PKDCC: variants seen among roughly 807,000 people sequenced by gnomAD.
PKDCC encodes extracellular tyrosine-protein kinase PKDCC.
A neutral mutation model predicts 44.7 loss-of-function variants in PKDCC; 35 were observed. The observed-to-expected ratio is 0.78, with a 90% CI of 0.60 to 1.04. PKDCC has a LOEUF of 1.04. Among genes scored for constraint, PKDCC ranks in the 50% least tolerant of loss-of-function variants. The pLI is 0.00. For missense variants in PKDCC, 738 were observed against 672.7 expected (o/e 1.10, Z -1.07); for synonymous variants, 353 against 303.3 (o/e 1.16, Z -1.70).
At position 42,048,857 on chromosome 2, in the gene PKDCC, G is replaced by C. The variant is rs1229216267; in HGVS notation, c.639+19G>C. 10 of 1,454,160 alleles carry C rather than the reference G, an allele frequency of 6.9e-6. No individual in the cohort carries two copies. Among genetic ancestry groups the C allele is most frequent in the East Asian group, 2.4e-5 (1 of 41,410 alleles). The allele number at this position is 1,454,160 out of a possible 1,614,324, so 90.1% of individuals were successfully genotyped here. A position where few individuals can be genotyped will look rare whatever the true frequency, so the allele number is the denominator to read the frequency against. ...GCTGCAGGTACGAGGGTGGGGACGC[G>C]GGGGTAACGGTGTTGGCTGGGAGTG... On this transcript the variant is annotated intron_variant, in intron 1 of 6. Transcript: ENST00000294964. This position sits in a 1 kb window ranked among gnomAD's most constrained non-coding sequence, Gnocchi z 6.2.
Position 42,054,464 on chromosome 2 carries a change from G to C in PKDCC, c.1034+157G>C. On this transcript the variant is annotated intron_variant, in intron 3 of 6. Coordinates refer to ENST00000294964, the MANE Select transcript of PKDCC (RefSeq NM_138370.3). The surrounding 1 kb of genome is among the most constrained non-coding windows in gnomAD (Gnocchi z 6.1). The stretch of plus-strand genomic sequence containing the variant: ...ACCCTGTCCAGAAGGGAACATTCAG[G>C]CCTCTGATGGAGAGGCTAAAAATAG... 1 of 882,468 alleles carries C rather than the reference G, an allele frequency of 1.1e-6. No individual in the cohort carries two copies. The highest frequency in any genetic ancestry group is 3.5e-4 in the Middle Eastern group (1 of 2,822). 54.7% of individuals were successfully genotyped at this position (882,468 alleles called of 1,614,324 possible).
intron 1 of PKDCC, among the ~76,000 whole-genome samples, chr2:42,049,597 G>C (rs1667934174): frequency 6.6e-6 from 1 of 152,268 alleles, no homozygotes; most frequent in African/African-American, 2.4e-5. Flanking sequence ...TAGCCAAGAG[G>C]CTGGAAGGTT....
In PKDCC at chr2:42,048,537, C is replaced by A; in HGVS notation, c.338C>A (p.Pro113Gln). 1 of 1,245,138 alleles carries A rather than the reference C, an allele frequency of 8.0e-7. No homozygotes were observed. The highest frequency in any genetic ancestry group is 1.6e-5 in the African/African-American group (1 of 63,372). The allele number at this position is 1,245,138 out of a possible 1,614,324, so 77.1% of individuals were successfully genotyped here. A position where few individuals can be genotyped will look rare whatever the true frequency, so the allele number is the denominator to read the frequency against. Residue 113 changes from proline (P) to glutamine (Q), a missense_variant, in exon 1 of 7, where the codon CCA (proline) becomes CAA (glutamine). Coordinates refer to ENST00000294964, the MANE Select transcript of PKDCC (RefSeq NM_138370.3). The surrounding 1 kb of genome is among the most constrained non-coding windows in gnomAD (Gnocchi z 6.2). Reference sequence around the variant, plus strand: ...GCCCGGCCCCTGTCCGACGGCGCCCCAGGCTGGCCCCCGGCTCCCGGCCCA... The same window carrying A: ...GCCCGGCCCCTGTCCGACGGCGCCCAAGGCTGGCCCCCGGCTCCCGGCCCA... ...PWARPLSDGA[P>Q]GWPPAPGPGS...
At chr2:42,050,511 A>G (rs1361765001) in intron 1 of PKDCC, among the ~76,000 whole-genome samples, 3 of 152,106 alleles carry the variant, frequency 2.0e-5, no homozygotes, top group Non-Finnish European at 4.4e-5. Flanking sequence ...AAACTTCCTG[A>G]CAAGCATTCA....
rs267599376 is a variant in PKDCC, at chr2:42,053,349, G to A, written c.750G>A (p.Glu250=). 6.2e-7 allele frequency: 1 copy of A among 1,612,706 alleles called. No individual in the cohort carries two copies. The highest frequency in any genetic ancestry group is 8.5e-7 in the Non-Finnish European group (1 of 1,179,268). Residue 250 remains glutamate (E), a synonymous_variant, in exon 2 of 7, where the codon GAG becomes GAA. Transcript: ENST00000294964. ...TCCAGCTGCTGCAAACTTCCTGGGAGGATCGATTCCGAGTGAGCTCAGAGG... is the reference window on the plus strand; with the variant it reads ...TCCAGCTGCTGCAAACTTCCTGGGAAGATCGATTCCGAGTGAGCTCAGAGG... The part of the protein sequence containing the change: ...EMIQLLQTSW[E]DRFRICLSLG...
At chr2:42,053,448 C>G (rs916017580) in intron 2 of PKDCC, 87 bp downstream of exon 2, 7 of 1,485,996 alleles carry the variant, frequency 4.7e-6, no homozygotes, top group Non-Finnish European at 6.3e-6. Flanking sequence ...AGCTCCCACT[C>G]CTCCTCCACC....
At chr2:42,056,353 G>A (rs1668057268) in intron 5 of PKDCC, among the ~76,000 whole-genome samples, 1 of 152,164 alleles carries the variant, frequency 6.6e-6, no homozygotes, top group Non-Finnish European at 1.5e-5. Flanking sequence ...TGTAGAATGA[G>A]ATCTCAGATT....
chr2:42,054,295 A>C lies in PKDCC; in HGVS notation c.1022A>C (p.Tyr341Ser). 26 of 1,603,120 alleles carry C rather than the reference A, an allele frequency of 1.6e-5. No individual in the cohort carries two copies. Among genetic ancestry groups the C allele is most frequent in the Non-Finnish European group, 2.2e-5 (26 of 1,174,348 alleles). ...CEGMNEKRNL[Y>S]NAYRFFFTYL... is the part of the protein sequence containing the mutation. ...GGCATGAACGAGAAGCGGAACCTCT[A>C]TAATGCCTACAGGTGACCTCCACCC... The change falls in exon 3 of 7, where the codon TAT (tyrosine) becomes TCT (serine). Residue 341 changes from tyrosine (Y) to serine (S), a missense_variant. Transcript: ENST00000294964. This position sits in a 1 kb window ranked among gnomAD's most constrained non-coding sequence, Gnocchi z 6.1.
At chr2:42,057,576 C>T (rs746425383) in intron 6 of PKDCC, 27 bp from the exon 7 acceptor site, 2 of 1,609,330 alleles carry the variant, frequency 1.2e-6, no homozygotes, top group South Asian at 1.1e-5. Context: ...ACATCCAGCC[C>T]TGTTACCTCT....
Position 42,048,194 on chromosome 2 carries a change from G to C in PKDCC, c.-6G>C. 8.7e-7 allele frequency: 1 copy of C among 1,148,036 alleles called. No homozygotes were observed. Among genetic ancestry groups the C allele is most frequent in the South Asian group, 2.8e-5 (1 of 36,348 alleles). The allele number at this position is 1,148,036 out of a possible 1,614,324, so 71.1% of individuals were successfully genotyped here. ...GCGGGGCCGGCCGGCCGGGGGGAGG[G>C]GAGCGATGCGGCGCCGGCGGGCGGC... On this transcript the variant is annotated 5_prime_UTR_variant, in exon 1 of 7. Transcript: ENST00000294964. This position sits in a 1 kb window ranked among gnomAD's most constrained non-coding sequence, Gnocchi z 6.2.
rs1667968347 is a variant in PKDCC at position 42,051,539 on chromosome 2, C to CGTTAACA, written c.640-1698_640-1692dup. Among the ~76,000 whole-genome samples, 1 of 152,118 alleles carries CGTTAACA rather than the reference C, an allele frequency of 6.6e-6. No homozygotes were observed. The highest frequency in any genetic ancestry group is 2.4e-5 in the African/African-American group (1 of 41,396). On this transcript the variant is annotated intron_variant, in intron 1 of 6. Transcript: ENST00000294964. The surrounding 1 kb of genome is among the most constrained non-coding windows in gnomAD (Gnocchi z 4.2). ...TCCTGAGGGGTGTTGATTAATACCT[C>CGTTAACA]GTTAACAGCGCATTTAACGACCTCC...
chr2:42,049,028 T>C (rs1016220957), intron 1 of PKDCC, among the ~76,000 whole-genome samples, 190 bp downstream of exon 1: 8 of 152,104 alleles, frequency 5.3e-5, no homozygotes, highest in African/African-American at 1.9e-4. Flanking sequence ...GGCGTCCCTT[T>C]ACCGGAGAAC....
At chr2:42,049,676 G>A (rs773333991) in intron 1 of PKDCC, among the ~76,000 whole-genome samples, 12 of 152,148 alleles carry the variant, frequency 7.9e-5, no homozygotes, top group Non-Finnish European at 1.3e-4. Context: ...AGACACAGGC[G>A]AGAGCTGAAA....
At chr2:42,056,475 GAACTTGCCT>G (rs1668058865) in intron 5 of PKDCC, among the ~76,000 whole-genome samples, 1 of 152,134 alleles carries the variant, frequency 6.6e-6, no homozygotes, top group African/African-American at 2.4e-5. Flanking sequence ...CCCTTCTGAG[GAACTTGCCT>G]AACTTCTCTC....
Position 42,053,239 on chromosome 2 carries a change from C to T in PKDCC, c.640C>T (p.Leu214Phe). ...ATGACCTGCCCTCGGCTTTCCCCAGCTCTATGGCTACTGCTACCAGGACAG... is the reference window on the plus strand; with the variant it reads ...ATGACCTGCCCTCGGCTTTCCCCAGTTCTATGGCTACTGCTACCAGGACAG... The part of the protein sequence containing the change: ...ERLRHPNVLQ[L>F]YGYCYQDSED... Residue 214 changes from leucine (L) to phenylalanine (F), a missense_variant and splice_region_variant, in exon 2 of 7, where the codon CTC (leucine) becomes TTC (phenylalanine). By Grantham distance (22) the Leu-to-Phe change is conservative. Transcript: ENST00000294964. The T allele has an allele frequency of 6.2e-7, 1 of 1,608,714 alleles. No individual in the cohort carries two copies. Among genetic ancestry groups the T allele is most frequent in the African/African-American group, 1.3e-5 (1 of 74,736 alleles).
rs1668080984 is a variant in PKDCC at position 42,057,654 on chromosome 2, C to G, written c.1448C>G (p.Pro483Arg). ...GGATGGAGCCAAGTGGTCCCTGATC[C>G]CAACAAGACCACATATGTGAAGGCC... ...KTGWSQVVPD[P>R]NKTTYVKASG The change falls in exon 7 of 7, where the codon CCC (proline) becomes CGC (arginine). Residue 483 changes from proline (P) to arginine (R), a missense_variant. Coordinates refer to ENST00000294964, the MANE Select transcript of PKDCC (RefSeq NM_138370.3). 6.2e-7 allele frequency: 1 copy of G among 1,613,868 alleles called. No individual in the cohort carries two copies. Among genetic ancestry groups the G allele is most frequent in the Non-Finnish European group, 8.5e-7 (1 of 1,180,000 alleles).
rs755580371 is a variant in PKDCC, at chr2:42,055,294, G to A, written c.1123G>A (p.Ala375Thr). The A allele has an allele frequency of 2.2e-5, 35 of 1,612,798 alleles. No individual in the cohort carries two copies. The highest frequency in any genetic ancestry group is 3.3e-4 in the Middle Eastern group (2 of 6,078). The change falls in exon 5 of 7, where the codon GCC (alanine) becomes ACC (threonine). Residue 375 changes from alanine (A) to threonine (T), a missense_variant. Coordinates refer to ENST00000294964, the MANE Select transcript of PKDCC (RefSeq NM_138370.3). This position sits in a 1 kb window ranked among gnomAD's most constrained non-coding sequence, Gnocchi z 4.5. Reference sequence around the variant, plus strand: ...CACACTGCACTCTGCAGGAGAGCTCGCCTGGGGGGTGGACGAGACCCTGGC... The same window carrying A: ...CACACTGCACTCTGCAGGAGAGCTCACCTGGGGGGTGGACGAGACCCTGGC... ...DSIVNATGEL[A>T]WGVDETLAQL...
In PKDCC at chr2:42,052,897, A is replaced by G. The variant is rs2103927456; in HGVS notation, c.640-342A>G. ...TCAGCCTCCTCACCTGAAGTTGGAG[A>G]TAATAATAGCACCTACTGTGCCCAT... is the stretch of plus-strand genomic sequence containing the variant. On this transcript the variant is annotated intron_variant, in intron 1 of 6. Transcript: ENST00000294964. This position sits in a 1 kb window ranked among gnomAD's most constrained non-coding sequence, Gnocchi z 4.3. Among the ~76,000 whole-genome samples the G allele has an allele frequency of 6.6e-6, 1 of 152,320 alleles. No homozygotes were observed. The highest frequency in any genetic ancestry group is 1.9e-4 in the East Asian group (1 of 5,186).
chr2:42,053,469 G>C, intron 2 of PKDCC, 108 bp downstream of exon 2: 1 of 1,448,804 alleles, frequency 6.9e-7, no homozygotes, highest in South Asian at 1.4e-5. Flanking sequence ...CAGGGAGAGG[G>C]AGGGGAGGAA....
Sources: allele counts gnomAD v4.1 joint callset (sites outside exome capture counted in the v4.1 genomes callset), GRCh38; gene constraint gnomAD v4.1.1; non-coding constraint Gnocchi (gnomAD v3.1); transcripts MANE v1.5; gene names NCBI Gene and HGNC (gene_info 2026-07-23, HGNC 2026-07-21).